IST1: variants seen among roughly 807,000 people sequenced by gnomAD.
IST1 encodes the protein IST1 homolog.
In IST1, 23 loss-of-function variants were observed where a neutral mutation model predicts 37.0. That is an observed-to-expected ratio of 0.62 (90% confidence interval 0.45 to 0.88). The LOEUF (loss-of-function observed/expected upper bound fraction) is 0.88, where lower values mean the gene tolerates loss of function less well. IST1 is among the 40% of genes least tolerant of loss of function. The pLI is 0.00. For synonymous variants in IST1, 180 were observed against 161.7 expected, an observed-to-expected ratio of 1.11 and a Z score of -0.86; for missense variants, 488 against 445.4, an observed-to-expected ratio of 1.10 and a Z score of -0.86.
intron 4 of IST1, among the ~76,000 whole-genome samples, chr16:71,920,186 T>TAACA (rs1167558018): frequency 6.6e-6 from 1 of 152,196 alleles, no homozygotes; most frequent in Admixed American, 6.5e-5. Context: ...AGAAAAGTAC[T>TAACA]AACATTCCCA....
chr16:71,915,827 A>T, intron 2 of IST1, 99 bp downstream of exon 2: 2 of 697,400 alleles, frequency 2.9e-6, no homozygotes, highest in Non-Finnish European at 2.4e-6. Flanking sequence ...TAGGGATCAT[A>T]TTTTTTTTTG....
intron 1 of IST1, among the ~76,000 whole-genome samples, chr16:71,896,912 G>C (rs2036984487): frequency 6.6e-6 from 1 of 151,778 alleles, no homozygotes; most frequent in Non-Finnish European, 1.5e-5. Context: ...AGATTATAGT[G>C]AGTCGGTAAT....
rs369116888 is a variant in IST1, at chr16:71,921,464, C to G, written c.552+11C>G. The G allele has an allele frequency of 3.2e-5, 49 of 1,513,876 alleles. No individual in the cohort carries two copies. The African/African-American group carries it at 5.6e-4, about 17-fold the overall frequency. The allele number at this position is 1,513,876 out of a possible 1,614,324, so 93.8% of individuals were successfully genotyped here. A position where few individuals can be genotyped will look rare whatever the true frequency, so the allele number is the denominator to read the frequency against. On this transcript the variant is annotated intron_variant, in intron 6 of 9. Transcript: ENST00000378799. ...GACTCTGTGGTCATGGTAAGTTTAT[C>G]CCAGAATACAAAGAAAAATGAGTTT...
chr16:71,905,266 C>A (rs1160331825), intron 1 of IST1, among the ~76,000 whole-genome samples: 2 of 151,970 alleles, frequency 1.3e-5, no homozygotes, highest in Non-Finnish European at 2.9e-5. Flanking sequence ...GAACTCCTGA[C>A]CTCGTGATCC....
chr16:71,899,732 C>G (rs2037059354), intron 1 of IST1, among the ~76,000 whole-genome samples: 1 of 148,042 alleles, frequency 6.8e-6, no homozygotes, highest in African/African-American at 2.5e-5. Flanking sequence ...AAAAAATTAG[C>G]TGGGCGAACA....
chr16:71,926,568 G>A (rs1424611931), intron 9 of IST1, among the ~76,000 whole-genome samples: 2 of 151,766 alleles, frequency 1.3e-5, no homozygotes, highest in Non-Finnish European at 2.9e-5. Context: ...GGATGGTCTT[G>A]ATCTCCTGAC....
chr16:71,909,534 T>G (rs2037305563), intron 1 of IST1, among the ~76,000 whole-genome samples: 1 of 152,206 alleles, frequency 6.6e-6, no homozygotes. Context: ...GGAATTGCTG[T>G]GTCTTAAGGT....
intron 1 of IST1, among the ~76,000 whole-genome samples, chr16:71,912,659 G>T (rs892709100): frequency 6.6e-6 from 1 of 152,226 alleles, no homozygotes. Flanking sequence ...CTGTTTCTAA[G>T]TGTAGAGTTC....
intron 1 of IST1, among the ~76,000 whole-genome samples, chr16:71,908,186 C>T (rs2037269284): frequency 6.6e-6 from 1 of 152,142 alleles, no homozygotes; most frequent in East Asian, 1.9e-4. Context: ...TCACGATCCA[C>T]CCGCCTCTGC....
rs773454925 is a variant in IST1, at chr16:71,922,681, G to C, written c.759+1G>C. The C allele has an allele frequency of 3.2e-4, 450 of 1,417,774 alleles. No individual in the cohort carries two copies. Among genetic ancestry groups the C allele is most frequent in the Non-Finnish European group, 4.2e-4 (437 of 1,041,028 alleles). 87.8% of individuals were successfully genotyped at this position (1,417,774 alleles called of 1,614,324 possible). ...CTCATATCCACTGCCAAAGGGACCA[G>C]TAAGTATATATAAGTGTGGATGTAA... On this transcript the variant is annotated splice_donor_variant, in intron 7 of 9. Coordinates refer to ENST00000378799, the MANE Select transcript of IST1 (RefSeq NM_001270975.2). LOFTEE classifies it high-confidence loss of function.
intron 8 of IST1, 54 bp downstream of exon 8, chr16:71,923,434 C>T (rs769245420): frequency 2.3e-5 from 26 of 1,140,484 alleles, no homozygotes; most frequent in African/African-American, 7.7e-5. Flanking sequence ...CCATGAAGAG[C>T]GAGCAAAATA....
At chr16:71,919,683 TG>T (rs2037537670) in intron 4 of IST1, among the ~76,000 whole-genome samples, 1 of 152,222 alleles carries the variant, frequency 6.6e-6, no homozygotes. Flanking sequence ...TGAGCCACGA[TG>T]CCTGGCCTTA....
chr16:71,927,939 G>A lies in IST1; in HGVS notation c.*126G>A. The A allele has an allele frequency of 1.2e-5, 8 of 694,028 alleles. No individual in the cohort carries two copies. The South Asian group carries it at 1.4e-4, about 12-fold the overall frequency. The allele number at this position is 694,028 out of a possible 1,614,324, so 43.0% of individuals were successfully genotyped here. Reference sequence around the variant, plus strand: ...GTCACTCAGCACAACACTCCCTCTGGGCTCTCTTCCTGCTCCTCCAGATTC... The same window carrying A: ...GTCACTCAGCACAACACTCCCTCTGAGCTCTCTTCCTGCTCCTCCAGATTC... On this transcript the variant is annotated 3_prime_UTR_variant, in exon 10 of 10. Transcript: ENST00000378799.
At chr16:71,916,233 A>C (rs1360081832) in intron 2 of IST1, among the ~76,000 whole-genome samples, 5 of 152,226 alleles carry the variant, frequency 3.3e-5, no homozygotes, top group South Asian at 4.1e-4. Flanking sequence ...TTGTTGTGGC[A>C]TTAGGTCACC....
At chr16:71,924,903 T>A in intron 9 of IST1, 86 bp downstream of exon 9, 1 of 952,838 alleles carries the variant, frequency 1.0e-6, no homozygotes, top group East Asian at 2.4e-5. Flanking sequence ...TAGAGACTGT[T>A]TCCATGTCCA....
chr16:71,922,187 G>T lies in IST1; in HGVS notation c.553-287G>T, dbSNP rs548620051. 2.2e-4 allele frequency among the ~76,000 whole-genome samples: 34 copies of T among 152,202 alleles called. No individual in the cohort carries two copies. The South Asian group carries it at 5.6e-3, about 25-fold the overall frequency. On this transcript the variant is annotated intron_variant, in intron 6 of 9. Transcript: ENST00000378799. ...TTAAGGTCAGTGGGGTGTGGTGGAT[G>T]CTTTGGTGTGTACTGCTCAGACATC...
chr16:71,895,614 G>A, intron 1 of IST1, 25 bp downstream of exon 1: 1 of 929,054 alleles, frequency 1.1e-6, no homozygotes, highest in Non-Finnish European at 1.3e-6. Context: ...CTCGGCGTCA[G>A]AGGTCTCTGT....
At chr16:71,908,790 G>A (rs543440078) in intron 1 of IST1, among the ~76,000 whole-genome samples, 3 of 152,254 alleles carry the variant, frequency 2.0e-5, no homozygotes, top group African/African-American at 7.2e-5. Context: ...GTTTCAGCCT[G>A]CTGTGCATCC....
intron 2 of IST1, among the ~76,000 whole-genome samples, chr16:71,916,080 C>T (rs1217260809): frequency 6.6e-6 from 1 of 152,198 alleles, no homozygotes; most frequent in Non-Finnish European, 1.5e-5. Flanking sequence ...CATCTGCCTG[C>T]CTCAGCCTCC....
Sources: gnomAD v4.1 joint callset for allele counts (sites outside exome capture counted in the v4.1 genomes callset) on GRCh38, gnomAD v4.1.1 for gene constraint, MANE v1.5 for transcripts, NCBI Gene and HGNC (gene_info 2026-07-23, HGNC 2026-07-21) for gene names.